BICC1: variants seen among roughly 807,000 people sequenced by gnomAD.
The protein encoded by BICC1 is protein bicaudal C homolog 1.
Under a neutral mutation model 111.0 loss-of-function variants are expected in BICC1, and 43 were observed. The ratio of observed to expected loss-of-function variants is 0.39; its 90% CI spans 0.30 to 0.50. The LOEUF (loss-of-function observed/expected upper bound fraction) is 0.50. Among genes scored for constraint, BICC1 ranks in the 20% least tolerant of loss-of-function variants. BICC1 has a pLI of 0.88. For missense variants in BICC1, 1,091 were observed against 1,203.2 expected (o/e 0.91, Z 1.38); for synonymous variants, 467 against 434.4 (o/e 1.07, Z -0.93).
At chr10:58,817,217 T>G (rs1334961748) in intron 18 of BICC1, among the ~76,000 whole-genome samples, 2 of 152,142 alleles carry the variant, frequency 1.3e-5, no homozygotes, top group Non-Finnish European at 2.9e-5. Context: ...AGGGATCCTT[T>G]TTACAGCTCC....
chr10:58,593,956 G>T (rs1844722887), intron 1 of BICC1, among the ~76,000 whole-genome samples: 1 of 151,960 alleles, frequency 6.6e-6, no homozygotes, highest in Non-Finnish European at 1.5e-5. Flanking sequence ...CTAACCCAAT[G>T]CAGGGAAGCT....
At chr10:58,729,521 A>C (rs915679371) in intron 3 of BICC1, among the ~76,000 whole-genome samples, 3 of 152,192 alleles carry the variant, frequency 2.0e-5, no homozygotes, top group African/African-American at 7.2e-5. Context: ...TCATATCAGC[A>C]ATAAGGCTTG....
At chr10:58,665,611 C>A (rs1838984229) in intron 2 of BICC1, among the ~76,000 whole-genome samples, 1 of 152,112 alleles carries the variant, frequency 6.6e-6, no homozygotes, top group Admixed American at 6.5e-5. Flanking sequence ...GTTTTTCATT[C>A]CCCTTGCTTC....
At chr10:58,566,175 T>C (rs1397674296) in intron 1 of BICC1, among the ~76,000 whole-genome samples, 1 of 151,494 alleles carries the variant, frequency 6.6e-6, no homozygotes, top group Admixed American at 6.6e-5. Context: ...TATATACATA[T>C]ACACACGTGT....
At chr10:58,691,001 A>G (rs1013087169) in intron 2 of BICC1, among the ~76,000 whole-genome samples, 1 of 152,188 alleles carries the variant, frequency 6.6e-6, no homozygotes, top group African/African-American at 2.4e-5. Context: ...ATTGAGGATA[A>G]TCGACATAAG....
intron 1 of BICC1, among the ~76,000 whole-genome samples, chr10:58,596,920 A>G (rs1844833994): frequency 6.6e-6 from 1 of 152,232 alleles, no homozygotes; most frequent in Non-Finnish European, 1.5e-5. Context: ...AAACAAATGG[A>G]AAAACATTCC....
intron 1 of BICC1, among the ~76,000 whole-genome samples, chr10:58,578,742 C>T (rs369320770): frequency 1.2e-4 from 18 of 152,258 alleles, no homozygotes; most frequent in East Asian, 7.7e-4. Context: ...CCTATCCCCT[C>T]GCCCCTCATC....
intron 1 of BICC1, among the ~76,000 whole-genome samples, chr10:58,582,113 A>G (rs1844299300): frequency 6.6e-6 from 1 of 152,260 alleles, no homozygotes; most frequent in East Asian, 1.9e-4. Flanking sequence ...ATCCTTTCCA[A>G]TATCCAGCTG....
intron 12 of BICC1, among the ~76,000 whole-genome samples, 153 bp downstream of exon 12, chr10:58,799,405 C>G (rs1398480921): frequency 6.6e-6 from 1 of 152,122 alleles, no homozygotes; most frequent in African/African-American, 2.4e-5. Flanking sequence ...TTTAAACTTT[C>G]ACCTAAAATG....
chr10:58,828,875 T>A lies in BICC1; in HGVS notation c.2909T>A (p.Val970Asp), dbSNP rs373110130. The stretch of plus-strand genomic sequence containing the variant: ...CAGTATCACTCAGACATTGCTAGTG[T>A]CAGTGGCCGCTGGTAGCAGCACCCT... ...PRQYHSDIASVSGRW is the reference protein window; with the variant it reads ...PRQYHSDIASDSGRW The change falls in exon 21 of 21, where the codon GTC becomes GAC. Residue 970 changes from valine to aspartate, a missense_variant. Physicochemically the swap from Val to Asp is radical, Grantham distance 152. Around this residue, in one of 3 missense-constraint regions of BICC1, gnomAD observed 231 missense variants for 256.2 expected, o/e 0.90. Coordinates refer to ENST00000373886, the MANE Select transcript of BICC1 (RefSeq NM_001080512.3). 2.0e-5 allele frequency: 33 copies of A among 1,613,880 alleles called. No homozygotes were observed. In the African/African-American group the frequency reaches 4.3e-4, roughly 21 times the overall value.
chr10:58,761,775 A>C (rs986020853), intron 3 of BICC1, among the ~76,000 whole-genome samples: 2 of 152,176 alleles, frequency 1.3e-5, no homozygotes, highest in South Asian at 4.1e-4. Flanking sequence ...TTTTGGCAGT[A>C]TATCATTATC....
chr10:58,626,911 C>A (rs969836909), intron 2 of BICC1, among the ~76,000 whole-genome samples: 11 of 152,244 alleles, frequency 7.2e-5, no homozygotes, highest in Non-Finnish European at 1.5e-4. Context: ...TCGAGACCAG[C>A]CTGACCAACA....
chr10:58,815,463 G>C lies in BICC1; in HGVS notation c.2533+1477G>C, dbSNP rs577453168. Among the ~76,000 whole-genome samples the C allele has an allele frequency of 1.8e-3, 268 of 152,268 alleles. 2 individuals carry two copies. Among genetic ancestry groups the C allele is most frequent in the African/African-American group, 6.1e-3 (255 of 41,564 alleles). On this transcript the variant is annotated intron_variant, in intron 18 of 20. Transcript: ENST00000373886. ...GGGTGTAAATGATGTCCAGTCTCTA[G>C]CCCAAGATACATTCATTTGGTGCTT... is the stretch of plus-strand genomic sequence containing the variant.
intron 2 of BICC1, among the ~76,000 whole-genome samples, chr10:58,643,701 T>C (rs117042810): frequency 6.6e-6 from 1 of 152,246 alleles, no homozygotes; most frequent in East Asian, 1.9e-4. Context: ...ACAATAAGAT[T>C]TGTACACAAC....
rs563117479 is a variant in BICC1 at position 58,679,691 on chromosome 10, T to G, written c.238-22383T>G. Among the ~76,000 whole-genome samples the G allele has an allele frequency of 1.3e-4, 20 of 152,242 alleles. 2 individuals are homozygous for G. The South Asian group carries it at 4.1e-3, about 32-fold the overall frequency. On this transcript the variant is annotated intron_variant, in intron 2 of 20. Coordinates refer to ENST00000373886, the MANE Select transcript of BICC1 (RefSeq NM_001080512.3). Reference sequence around the variant, plus strand: ...CTCCTCTCTAACTCATTTTATGAGATCAGCATCATCCTGATGCCAAAACCT... The same window carrying G: ...CTCCTCTCTAACTCATTTTATGAGAGCAGCATCATCCTGATGCCAAAACCT...
rs550778399 is a variant in BICC1, at chr10:58,792,289, A to G, written c.1048-1195A>G. ...AAAAAATCTAAAAAATGAGGTAGTT[A>G]AAAGAAGGGACAGTAGTAACAATTT... On this transcript the variant is annotated intron_variant, in intron 8 of 20. Transcript: ENST00000373886. 3.3e-5 allele frequency among the ~76,000 whole-genome samples: 5 copies of G among 152,286 alleles called. No individual in the cohort carries two copies. The South Asian group carries it at 8.3e-4, about 25-fold the overall frequency.
chr10:58,800,388 A>G, intron 13 of BICC1, 62 bp downstream of exon 13: 1 of 1,559,708 alleles, frequency 6.4e-7, no homozygotes, highest in Non-Finnish European at 8.8e-7. Context: ...GAGGTTGTAG[A>G]GAGTCTATGC....
intron 1 of BICC1, among the ~76,000 whole-genome samples, chr10:58,619,912 T>C (rs1010234661): frequency 1.3e-5 from 2 of 152,224 alleles, no homozygotes; most frequent in Non-Finnish European, 2.9e-5. Context: ...ATGGCTGTGC[T>C]GAGGTATTAC....
intron 2 of BICC1, among the ~76,000 whole-genome samples, chr10:58,637,490 G>A (rs192025373): frequency 1.6e-4 from 24 of 152,290 alleles, no homozygotes; most frequent in Non-Finnish European, 2.9e-4. Context: ...CTCAAAGAAC[G>A]TTTCGTGTCT....
Sources: allele counts gnomAD v4.1 joint callset (sites outside exome capture counted in the v4.1 genomes callset), GRCh38; gene constraint gnomAD v4.1.1; regional missense constraint gnomAD v4.1.1; transcripts MANE v1.5; gene names NCBI Gene and HGNC (gene_info 2026-07-23, HGNC 2026-07-21).